The following LRRC8C variants were observed in gnomAD, a reference collection of about 807,000 sequenced individuals.
LRRC8C encodes volume-regulated anion channel subunit LRRC8C.
LRRC8C carries 20 observed loss-of-function variants against 55.3 expected under a neutral mutation model. That is an observed-to-expected ratio of 0.36 (90% CI 0.25 to 0.53). The LOEUF is 0.53. Ranked by LOEUF, LRRC8C falls within the 20% of genes least tolerant of loss-of-function variation. LRRC8C has a pLI of 0.92. For synonymous variants in LRRC8C, 376 were observed against 360.7 expected (o/e 1.04, Z -0.48); for missense variants, 659 against 951.4 (o/e 0.69, Z 4.04).
At chr1:89,710,483 T>C (rs1399319284) in intron 2 of LRRC8C, among the ~76,000 whole-genome samples, 3 of 152,246 alleles carry the variant, frequency 2.0e-5, no homozygotes, top group Non-Finnish European at 4.4e-5. Context: ...ATGCAGTACC[T>C]ATAGGAAGAC....
At chr1:89,695,945 GT>G (rs949667909) in intron 2 of LRRC8C, among the ~76,000 whole-genome samples, 3 of 152,116 alleles carry the variant, frequency 2.0e-5, no homozygotes, top group Non-Finnish European at 4.4e-5. Context: ...GAAATGTATT[GT>G]TTTTAGTCTC....
chr1:89,617,350 G>A, the LRRC8C span, among the ~76,000 whole-genome samples: 2 of 152,154 alleles, frequency 1.3e-5, no homozygotes, highest in African/African-American at 4.8e-5. Context: ...CAGTCCAATT[G>A]CCTTGCCCTA....
At position 89,718,420 on chromosome 1, in the gene LRRC8C, T is replaced by TA. The variant is rs1484456248; in HGVS notation, c.*3439dup. On this transcript the variant is annotated 3_prime_UTR_variant, in exon 3 of 3. Transcript: ENST00000370454. ...TTGGGTTAAGTGAAGTCCAAATTCT[T>TA]ACAGTATGCTATTTCAGGATTTCTG... 1 of 152,164 alleles carries TA rather than the reference T, an allele frequency of 6.6e-6. No individual in the cohort carries two copies. Among genetic ancestry groups the TA allele is most frequent in the Non-Finnish European group, 1.5e-5 (1 of 68,006 alleles). 9.4% of individuals were successfully genotyped at this position (152,164 alleles called of 1,614,324 possible).
intron 1 of LRRC8C, among the ~76,000 whole-genome samples, chr1:89,668,773 A>G (rs1186498014): frequency 6.6e-6 from 1 of 152,212 alleles, no homozygotes; most frequent in Non-Finnish European, 1.5e-5. Flanking sequence ...CAGAAAAGAT[A>G]ATACCTACCT....
At chr1:89,665,208 A>T (rs1395810889) in intron 1 of LRRC8C, among the ~76,000 whole-genome samples, 1 of 152,200 alleles carries the variant, frequency 6.6e-6, no homozygotes, top group Non-Finnish European at 1.5e-5. Flanking sequence ...GTCTTGTGCC[A>T]GTTTTCAAAG....
intron 1 of LRRC8C, among the ~76,000 whole-genome samples, chr1:89,638,794 C>T (rs997021617): frequency 1.3e-5 from 2 of 151,970 alleles, no homozygotes; most frequent in Non-Finnish European, 2.9e-5. Context: ...CCTTTTATTT[C>T]CTGGAAGGGA....
chr1:89,686,331 C>T, intron 1 of LRRC8C, 139 bp from the exon 2 acceptor site: 5 of 773,780 alleles, frequency 6.5e-6, no homozygotes, highest in Non-Finnish European at 1.0e-5. Context: ...TTCAGTGGCT[C>T]ATCAAAACAT....
chr1:89,705,736 C>G (rs1046382926), intron 2 of LRRC8C, among the ~76,000 whole-genome samples: 15 of 151,952 alleles, frequency 9.9e-5, no homozygotes, highest in African/African-American at 3.6e-4. Flanking sequence ...GCCAAGATCA[C>G]GCCACTGCAC....
At chr1:89,667,064 A>T (rs1258908711) in intron 1 of LRRC8C, among the ~76,000 whole-genome samples, 6 of 152,158 alleles carry the variant, frequency 3.9e-5, no homozygotes, top group African/African-American at 1.4e-4. Context: ...TGTCTCCAAT[A>T]ATGATATATG....
chr1:89,634,294 G>A (rs138112807), intron 1 of LRRC8C, among the ~76,000 whole-genome samples: 1 of 152,296 alleles, frequency 6.6e-6, no homozygotes, highest in African/African-American at 2.4e-5. Flanking sequence ...CATCCTCAAA[G>A]TAAAAAATAA....
intron 1 of LRRC8C, among the ~76,000 whole-genome samples, chr1:89,662,119 C>T (rs1657138122): frequency 6.6e-6 from 1 of 152,128 alleles, no homozygotes; most frequent in African/African-American, 2.4e-5. Flanking sequence ...TTGGGCCACA[C>T]ATAAAATACA....
At chr1:89,647,312 C>A (rs1180094542) in intron 1 of LRRC8C, among the ~76,000 whole-genome samples, 1 of 152,156 alleles carries the variant, frequency 6.6e-6, no homozygotes, top group Non-Finnish European at 1.5e-5. Flanking sequence ...AAATTAGGAA[C>A]ATGATCTTAA....
intron 1 of LRRC8C, among the ~76,000 whole-genome samples, chr1:89,651,100 A>G (rs1026655832): frequency 9.2e-5 from 14 of 152,170 alleles, no homozygotes; most frequent in African/African-American, 3.4e-4. Flanking sequence ...GAGGCTGACA[A>G]TAACTGTTTC....
chr1:89,651,634 T>A (rs531505708), intron 1 of LRRC8C, among the ~76,000 whole-genome samples: 62 of 151,814 alleles, frequency 4.1e-4, no homozygotes, highest in Non-Finnish European at 1.5e-4. Context: ...AGTATTTGCT[T>A]TCCCTCCCTT....
At position 89,713,332 on chromosome 1, in the gene LRRC8C, A is replaced by C; in HGVS notation, c.762A>C (p.Glu254Asp). 3 of 1,614,230 alleles carry C rather than the reference A, an allele frequency of 1.9e-6. No homozygotes were observed. The highest frequency in any genetic ancestry group is 2.5e-6 in the Non-Finnish European group (3 of 1,180,036). ...KVKKFRLHVE[E>D]GDILYAMYVR... is the part of the protein sequence containing the mutation. ...AGAAGTTCAGGCTGCATGTGGAAGA[A>C]GGTGATATTCTATATGCCATGTATG... is the stretch of plus-strand genomic sequence containing the variant. Residue 254 changes from glutamate to aspartate, a missense_variant, in exon 3 of 3, where the codon GAA becomes GAC. Glu to Asp is a conservative substitution (Grantham distance 45). This residue lies in a region of LRRC8C where 200 missense variants were observed against 360.5 expected (regional missense o/e 0.55). Transcript: ENST00000370454. The surrounding 1 kb of genome is among the most constrained non-coding windows in gnomAD (Gnocchi z 5.2).
chr1:89,649,507 T>G (rs17130845), intron 1 of LRRC8C, among the ~76,000 whole-genome samples: 2,314 of 152,270 alleles, frequency 0.015, 50 homozygotes, highest in African/African-American at 0.053. Context: ...CTTTTTGTTG[T>G]GTGTCCAGAA....
intron 1 of LRRC8C, chr1:89,676,279 A>G (rs1657545519): frequency 6.6e-6 from 1 of 152,202 alleles, no homozygotes; most frequent in Non-Finnish European, 1.5e-5. Flanking sequence ...TTTCTTGGGT[A>G]CAAGCTAAGA....
At chr1:89,667,603 T>G (rs1306197382) in intron 1 of LRRC8C, among the ~76,000 whole-genome samples, 1 of 152,148 alleles carries the variant, frequency 6.6e-6, no homozygotes, top group Non-Finnish European at 1.5e-5. Context: ...TAGAGCTACT[T>G]TCTGGGCAGT....
In LRRC8C at chr1:89,685,099, TTC is replaced by T. The variant is rs1260826273; in HGVS notation, c.-4-1369_-4-1368del. The stretch of plus-strand genomic sequence containing the variant: ...TGTGGGATGTTTATTGTCTATCTAG[TTC>T]TTTTTTTTTTTTTTTTTTTTTTTTT... On this transcript the variant is annotated intron_variant, in intron 1 of 2. Coordinates refer to ENST00000370454, the MANE Select transcript of LRRC8C (RefSeq NM_032270.5). Among the ~76,000 whole-genome samples, 831 of 129,614 alleles carry T rather than the reference TTC, an allele frequency of 6.4e-3. 20 individuals are homozygous for T. Among genetic ancestry groups the T allele is most frequent in the African/African-American group, 0.023 (803 of 34,782 alleles). 85.0% of individuals were successfully genotyped at this position (129,614 alleles called of 152,430 possible). A position where few individuals can be genotyped will look rare whatever the true frequency, so the allele number is the denominator to read the frequency against.
Sources: allele counts gnomAD v4.1 joint callset (sites outside exome capture counted in the v4.1 genomes callset), GRCh38; gene constraint gnomAD v4.1.1; regional missense constraint gnomAD v4.1.1; non-coding constraint Gnocchi (gnomAD v3.1); transcripts MANE v1.5; gene names NCBI Gene and HGNC (gene_info 2026-07-23, HGNC 2026-07-21).